The following PCDH15 variants were observed in gnomAD, a reference collection of about 807,000 sequenced individuals.
PCDH15 encodes the protein protocadherin related 15, also known as protocadherin-15.
A neutral mutation model predicts 178.5 loss-of-function variants in PCDH15; 129 were observed. That is an observed-to-expected ratio of 0.72 (90% CI 0.63 to 0.84). The LOEUF (loss-of-function observed/expected upper bound fraction) is 0.84, where lower values mean the gene tolerates loss of function less well. Ranked by LOEUF, PCDH15 falls within the 40% of genes least tolerant of loss-of-function variation. The probability of loss-of-function intolerance (pLI) is 0.00; values close to 1 mark genes in which losing one functional copy is unlikely to be tolerated. For missense variants in PCDH15, 2,230 were observed against 2,099.9 expected (o/e 1.06, Z -1.21); for synonymous variants, 800 against 732.0 (o/e 1.09, Z -1.50).
At chr10:55,139,710 G>A (rs987752593) in intron 2 of PCDH15, among the ~76,000 whole-genome samples, 1 of 151,544 alleles carries the variant, frequency 6.6e-6, no homozygotes, top group Non-Finnish European at 1.5e-5. Flanking sequence ...TATATAAATG[G>A]GTTGACAACT....
intron 28 of PCDH15, among the ~76,000 whole-genome samples, chr10:53,843,655 TCTC>T (rs1212282119): frequency 6.6e-6 from 1 of 152,002 alleles, no homozygotes; most frequent in East Asian, 1.9e-4. Flanking sequence ...TTTTAAAAAA[TCTC>T]CTTAACTCCC....
chr10:54,394,094 T>C (rs372020473), intron 3 of PCDH15, among the ~76,000 whole-genome samples: 1 of 152,238 alleles, frequency 6.6e-6, no homozygotes, highest in South Asian at 2.1e-4. Context: ...GACCATGTTA[T>C]AAAGAAAATT....
chr10:55,428,404 A>G (rs1258921862), intron 2 of PCDH15, among the ~76,000 whole-genome samples: 1 of 151,876 alleles, frequency 6.6e-6, no homozygotes, highest in Non-Finnish European at 1.5e-5. Flanking sequence ...ATCATTATGA[A>G]ATGATCTTCA....
chr10:55,033,179 TCAAAGGGAGAGGCATA>T (rs1840653195), intron 2 of PCDH15, among the ~76,000 whole-genome samples: 1 of 152,006 alleles, frequency 6.6e-6, no homozygotes, highest in Admixed American at 6.6e-5. Context: ...AAGAGAGTCC[TCAAAGGGAGAGGCATA>T]GTGCAGGAGG....
intron 9 of PCDH15, among the ~76,000 whole-genome samples, chr10:54,221,018 T>C (rs2052747292): frequency 1.3e-5 from 2 of 151,394 alleles, no homozygotes; most frequent in African/African-American, 4.9e-5. Flanking sequence ...ACAGTCAACC[T>C]AAAGCTGTTC....
At chr10:54,290,176 A>G (rs1195562418) in intron 8 of PCDH15, among the ~76,000 whole-genome samples, 7 of 152,236 alleles carry the variant, frequency 4.6e-5, no homozygotes, top group Non-Finnish European at 8.8e-5. Flanking sequence ...AGGGAAGCCA[A>G]TCAGACTAAC....
chr10:54,416,319 CCT>C lies in PCDH15; in HGVS notation c.158-37379_158-37378del, dbSNP rs1269908088. 2.6e-5 allele frequency among the ~76,000 whole-genome samples: 4 copies of C among 152,104 alleles called. No homozygotes were observed. In the South Asian group the frequency reaches 6.2e-4, roughly 24 times the overall value. ...GGCCCTGATGTGTGTTGTTCCCATC[CCT>C]GTGTCCACGTGTTCTCATTGTTCAA... On this transcript the variant is annotated intron_variant, in intron 3 of 37. Transcript: ENST00000644397.
At chr10:54,760,951 A>G (rs1322698879) in intron 1 of PCDH15, among the ~76,000 whole-genome samples, 5 of 152,094 alleles carry the variant, frequency 3.3e-5, no homozygotes, top group African/African-American at 1.2e-4. Context: ...ATACTGTACA[A>G]TACTATACAA....
intron 14 of PCDH15, among the ~76,000 whole-genome samples, chr10:54,143,763 A>C (rs2043622696): frequency 6.6e-6 from 1 of 152,196 alleles, no homozygotes; most frequent in Non-Finnish European, 1.5e-5. Flanking sequence ...AGTAGAGTAT[A>C]CTTTTGTAAA....
At chr10:55,147,793 C>G (rs999788750) in intron 2 of PCDH15, among the ~76,000 whole-genome samples, 2 of 147,586 alleles carry the variant, frequency 1.4e-5, no homozygotes, top group Non-Finnish European at 3.0e-5. Context: ...GGTATATCTC[C>G]TCTTTCTTCT....
intron 1 of PCDH15, among the ~76,000 whole-genome samples, chr10:54,691,817 G>A (rs1049983289): frequency 5.3e-5 from 8 of 151,952 alleles, no homozygotes; most frequent in African/African-American, 1.9e-4. Context: ...TTCTGCTTAC[G>A]GAGTTTAACA....
At chr10:55,479,582 A>C (rs901846588) in intron 2 of PCDH15, among the ~76,000 whole-genome samples, 9 of 151,654 alleles carry the variant, frequency 5.9e-5, no homozygotes, top group Non-Finnish European at 1.2e-4. Flanking sequence ...AAATGTTAAA[A>C]GTTTTACTTC....
At chr10:54,016,262 G>GAAA (rs56196057) in intron 20 of PCDH15, among the ~76,000 whole-genome samples, 2 of 148,732 alleles carry the variant, frequency 1.3e-5, no homozygotes, top group African/African-American at 4.9e-5. Context: ...AAGTAAAAAA[G>GAAA]AAAAAAAAAA....
chr10:54,992,345 A>G (rs1839522119), intron 2 of PCDH15, among the ~76,000 whole-genome samples: 1 of 152,218 alleles, frequency 6.6e-6, no homozygotes, highest in African/African-American at 2.4e-5. Flanking sequence ...ATAACTTCGT[A>G]ACGAAGGATA....
chr10:54,910,976 ACAAAGAC>A (rs1184339998), intron 2 of PCDH15, among the ~76,000 whole-genome samples: 1 of 152,210 alleles, frequency 6.6e-6, no homozygotes, highest in Non-Finnish European at 1.5e-5. Context: ...AATAAAGGAA[ACAAAGAC>A]ATGTTGGAGA....
Position 55,467,365 on chromosome 10 carries a change from T to C in PCDH15, c.-156+160260A>G, listed in dbSNP as rs947137154. On this transcript the variant is annotated intron_variant, in intron 2 of 5. Coordinates refer to the PCDH15 transcript ENST00000613346. Reference sequence around the variant, plus strand: ...CAGGAGGAAAAGAAAAGCCTGATCTTGGCCTGACTTTTTTTTTTTTTTTTT... The same window carrying C: ...CAGGAGGAAAAGAAAAGCCTGATCTCGGCCTGACTTTTTTTTTTTTTTTTT... 3.8e-5 allele frequency among the ~76,000 whole-genome samples: 5 copies of C among 130,482 alleles called. No homozygotes were observed. In the Admixed American group the frequency reaches 4.2e-4, roughly 11 times the overall value. 85.6% of individuals were successfully genotyped at this position (130,482 alleles called of 152,430 possible).
chr10:54,884,821 C>T (rs993010590), intron 3 of PCDH15, among the ~76,000 whole-genome samples: 1 of 151,922 alleles, frequency 6.6e-6, no homozygotes, highest in African/African-American at 2.4e-5. Flanking sequence ...TTCTTATTTG[C>T]ATTTCAATTG....
chr10:55,492,983 T>C (rs935521119), intron 2 of PCDH15, among the ~76,000 whole-genome samples: 29 of 151,598 alleles, frequency 1.9e-4, no homozygotes, highest in African/African-American at 6.5e-4. Context: ...AAATAATCAG[T>C]AAAGTTGAGG....
At chr10:55,583,835 A>T (rs1343475842) in intron 2 of PCDH15, among the ~76,000 whole-genome samples, 1 of 152,086 alleles carries the variant, frequency 6.6e-6, no homozygotes, top group Non-Finnish European at 1.5e-5. Context: ...GATTCAGAAA[A>T]TTTTAATAAA....
Sources: gnomAD v4.1 joint callset for allele counts (sites outside exome capture counted in the v4.1 genomes callset) on GRCh38, gnomAD v4.1.1 for gene constraint, MANE v1.5 for transcripts, NCBI Gene and HGNC (gene_info 2026-07-23, HGNC 2026-07-21) for gene names.